Variants in DLG2 observed in about 807,000 individuals in gnomAD.
DLG2 encodes the protein discs large MAGUK scaffold protein 2.
DLG2 carries 45 observed loss-of-function variants against 132.5 expected under a neutral mutation model. That is an observed-to-expected ratio of 0.34 (90% CI 0.27 to 0.44). The LOEUF (loss-of-function observed/expected upper bound fraction) is 0.44, where lower values mean the gene tolerates loss of function less well. Ranked by LOEUF, DLG2 falls within the 20% of genes least tolerant of loss-of-function variation. The pLI is 1.00. For missense variants in DLG2, 1,045 were observed against 1,196.9 expected, an observed-to-expected ratio of 0.87 and a Z score of 1.87; for synonymous variants, 424 against 419.6, an observed-to-expected ratio of 1.01 and a Z score of -0.13.
At chr11:84,497,392 T>C (rs1002924967) in intron 7 of DLG2, among the ~76,000 whole-genome samples, 1 of 152,122 alleles carries the variant, frequency 6.6e-6, no homozygotes. Flanking sequence ...CTGTACCCTA[T>C]GGACCCTATA....
chr11:84,667,758 C>T (rs928743711), intron 6 of DLG2, among the ~76,000 whole-genome samples: 9 of 152,032 alleles, frequency 5.9e-5, no homozygotes, highest in African/African-American at 2.2e-4. Context: ...CTCATTCCCC[C>T]AAAGTGCTGG....
intron 9 of DLG2, among the ~76,000 whole-genome samples, chr11:84,104,555 G>T (rs956715053): frequency 6.6e-6 from 1 of 152,000 alleles, no homozygotes; most frequent in Non-Finnish European, 1.5e-5. Flanking sequence ...ATGTGCACAT[G>T]AACCCCCAGA....
chr11:84,993,071 T>C (rs1218697905), intron 6 of DLG2, among the ~76,000 whole-genome samples: 1 of 152,154 alleles, frequency 6.6e-6, no homozygotes, highest in Non-Finnish European at 1.5e-5. Context: ...GTGGCACATA[T>C]ATACCATGGA....
At chr11:84,405,661 C>T (rs148842059) in intron 7 of DLG2, among the ~76,000 whole-genome samples, 2 of 151,626 alleles carry the variant, frequency 1.3e-5, no homozygotes, top group African/African-American at 2.4e-5. Context: ...TGGAAAGAGA[C>T]AGACAATAAA....
chr11:84,109,634 G>GTAC (rs1446042536), intron 9 of DLG2, among the ~76,000 whole-genome samples: 3 of 152,154 alleles, frequency 2.0e-5, no homozygotes, highest in Admixed American at 2.0e-4. Context: ...CAGCAAATAT[G>GTAC]TACTTCTCAT....
At chr11:85,108,566 A>G (rs946174703) in intron 6 of DLG2, among the ~76,000 whole-genome samples, 1 of 151,930 alleles carries the variant, frequency 6.6e-6, no homozygotes, top group Non-Finnish European at 1.5e-5. Flanking sequence ...TTTTTATTCT[A>G]TAAGATGAAT....
intron 6 of DLG2, among the ~76,000 whole-genome samples, chr11:85,025,226 G>C (rs142076469): frequency 5.1e-4 from 77 of 152,256 alleles, no homozygotes; most frequent in African/African-American, 1.9e-3. Flanking sequence ...TGAGTACATA[G>C]GGAATGCTAG....
rs545075061 is a variant in DLG2, at chr11:84,248,257, G to A, written c.573+2981C>T. On this transcript the variant is annotated intron_variant, in intron 8 of 27. Transcript: ENST00000376104. Reference sequence around the variant, plus strand: ...AATGTATTCATGTTTTTTCTACATCGGGGAAGGTATTCATATTTACCATTC... The same window carrying A: ...AATGTATTCATGTTTTTTCTACATCAGGGAAGGTATTCATATTTACCATTC... Among the ~76,000 whole-genome samples, 107 of 151,932 alleles carry A rather than the reference G, an allele frequency of 7.0e-4. 2 individuals are homozygous for A. The South Asian group carries it at 0.02, about 28-fold the overall frequency.
rs190295548 is a variant in DLG2 at position 85,490,545 on chromosome 11, G to A, written c.40+108112C>T. 2.0e-4 allele frequency among the ~76,000 whole-genome samples: 30 copies of A among 151,856 alleles called. No individual in the cohort carries two copies. In the East Asian group the frequency reaches 5.6e-3, roughly 28 times the overall value. ...AAGAAAAACAAACTTGAAAAACCAT[G>A]AGCTAGAATAACCAACAAAAAAAGA... On this transcript the variant is annotated intron_variant, in intron 3 of 27. Transcript: ENST00000376104.
chr11:83,992,371 G>A (rs932691091), intron 11 of DLG2, among the ~76,000 whole-genome samples: 3 of 151,984 alleles, frequency 2.0e-5, no homozygotes, highest in East Asian at 1.9e-4. Context: ...ATAGGTGGGC[G>A]GCCTACCTTG....
chr11:84,936,779 G>C (rs1370032617), intron 6 of DLG2: 2 of 152,318 alleles, frequency 1.3e-5, no homozygotes, highest in Admixed American at 1.3e-4. Flanking sequence ...CTTACACTAT[G>C]AAGGGACTGT....
At position 84,076,023 on chromosome 11, in the gene DLG2, G is replaced by T. The variant is rs78000021; in HGVS notation, c.750-16539C>A. On this transcript the variant is annotated intron_variant, in intron 10 of 27. Coordinates refer to ENST00000376104, the MANE Select transcript of DLG2 (RefSeq NM_001142699.3). ...TAAAGGATTAAGGGCAACAAGAAGG[G>T]CCCCTTTGCTCACAAATATATTCTT... Among the ~76,000 whole-genome samples, 587 of 152,248 alleles carry T rather than the reference G, an allele frequency of 3.9e-3. 6 individuals are homozygous for T. The highest frequency in any genetic ancestry group is 0.013 in the African/African-American group (558 of 41,544).
chr11:85,028,567 G>C (rs78125491), intron 6 of DLG2, among the ~76,000 whole-genome samples: 30 of 152,232 alleles, frequency 2.0e-4, no homozygotes, highest in African/African-American at 6.0e-4. Context: ...AAGTCCAGAG[G>C]GGGGGCTGAG....
At chr11:84,530,288 C>A (rs1046095924) in intron 7 of DLG2, among the ~76,000 whole-genome samples, 7 of 152,092 alleles carry the variant, frequency 4.6e-5, no homozygotes, top group African/African-American at 9.7e-5. Flanking sequence ...CAAAATTTGA[C>A]AAACGGGACC....
intron 18 of DLG2, among the ~76,000 whole-genome samples, chr11:83,754,275 C>T (rs762946643): frequency 2.0e-5 from 3 of 150,978 alleles, no homozygotes; most frequent in Non-Finnish European, 4.4e-5. Flanking sequence ...GAGTTTCTAA[C>T]ACTAACTTTT....
At chr11:85,559,914 A>C (rs2077145492) in intron 3 of DLG2, among the ~76,000 whole-genome samples, 1 of 151,678 alleles carries the variant, frequency 6.6e-6, no homozygotes, top group Admixed American at 6.6e-5. Context: ...CTAATATCAA[A>C]AGTGGAATGA....
chr11:85,509,453 C>T (rs774841652), intron 3 of DLG2, among the ~76,000 whole-genome samples: 1 of 152,012 alleles, frequency 6.6e-6, no homozygotes, highest in Non-Finnish European at 1.5e-5. Flanking sequence ...AACCCGAATG[C>T]TTGCAGAGGA....
intron 3 of DLG2, among the ~76,000 whole-genome samples, chr11:85,338,336 C>T (rs1041118259): frequency 6.6e-6 from 1 of 152,162 alleles, no homozygotes; most frequent in South Asian, 2.1e-4. Flanking sequence ...ATACTTGGAA[C>T]AGCATTTATG....
chr11:84,250,516 A>G (rs190709597), intron 8 of DLG2, among the ~76,000 whole-genome samples: 1 of 152,268 alleles, frequency 6.6e-6, no homozygotes, highest in East Asian at 1.9e-4. Flanking sequence ...ATCTGTGGCT[A>G]TCCCATCTTG....
Sources: gnomAD v4.1 joint callset for allele counts (sites outside exome capture counted in the v4.1 genomes callset) on GRCh38, gnomAD v4.1.1 for gene constraint, MANE v1.5 for transcripts, NCBI Gene and HGNC (gene_info 2026-07-23, HGNC 2026-07-21) for gene names.